Variants in PRDM16 observed in about 807,000 individuals in gnomAD.
The protein encoded by PRDM16 is PR/SET domain 16.
Under a neutral mutation model 110.6 loss-of-function variants are expected in PRDM16, and 23 were observed. That is an observed-to-expected ratio of 0.21 (90% confidence interval 0.15 to 0.29). PRDM16 has a LOEUF of 0.29. Ranked by LOEUF, PRDM16 falls within the 10% of genes least tolerant of loss-of-function variation. The pLI is 1.00. For synonymous variants in PRDM16, 799 were observed against 781.8 expected, an observed-to-expected ratio of 1.02 and a Z score of -0.37; for missense variants, 1,615 against 1,794.3, an observed-to-expected ratio of 0.90 and a Z score of 1.81.
At chr1:3,073,726 A>G (rs541530801) in intron 1 of PRDM16, among the ~76,000 whole-genome samples, 15 of 152,226 alleles carry the variant, frequency 9.9e-5, no homozygotes, top group African/African-American at 3.6e-4. Flanking sequence ...CCCGCGCACA[A>G]AGTCGCGGCC....
intron 3 of PRDM16, among the ~76,000 whole-genome samples, chr1:3,310,978 TGTGCGTGTGTGC>T (rs2100415111): frequency 6.6e-6 from 1 of 152,040 alleles, no homozygotes; most frequent in South Asian, 2.1e-4. Context: ...TAGGCATGTG[TGTGCGTGTGTGC>T]GTGCGTATGT....
chr1:3,077,760 G>A (rs1183866818), intron 1 of PRDM16, among the ~76,000 whole-genome samples: 1 of 152,112 alleles, frequency 6.6e-6, no homozygotes, highest in Non-Finnish European at 1.5e-5. Context: ...CACAGGCCAG[G>A]CCCCGTGCGT....
At chr1:3,332,147 T>A (rs1024283949) in intron 3 of PRDM16, among the ~76,000 whole-genome samples, 1 of 152,266 alleles carries the variant, frequency 6.6e-6, no homozygotes, top group African/African-American at 2.4e-5. Flanking sequence ...GCTCCGCATC[T>A]CCCACTTTCC....
intron 3 of PRDM16, among the ~76,000 whole-genome samples, chr1:3,378,500 G>A (rs924625620): frequency 1.3e-5 from 2 of 152,180 alleles, no homozygotes; most frequent in African/African-American, 4.8e-5. Context: ...CCATGGCACA[G>A]CTCTGGAGTC....
intron 2 of PRDM16, chr1:3,186,718 C>A: frequency 2.2e-6 from 1 of 457,930 alleles, no homozygotes; most frequent in Non-Finnish European, 3.8e-6. Flanking sequence ...GGAAATGTGT[C>A]TTTCATGAGC....
At chr1:3,122,672 T>TC (rs35672346) in intron 1 of PRDM16, among the ~76,000 whole-genome samples, 2 of 151,166 alleles carry the variant, frequency 1.3e-5, no homozygotes, top group Admixed American at 6.6e-5. Flanking sequence ...TTCCAGACAT[T>TC]CCCCCCCTCC....
At chr1:3,351,607 T>C (rs191996682) in intron 3 of PRDM16, among the ~76,000 whole-genome samples, 5 of 4,370 alleles carry the variant, frequency 1.1e-3, no homozygotes, top group East Asian at 5.8e-3. Flanking sequence ...CCCCTCCCTC[T>C]CTCTCCCCCT....
chr1:3,088,172 T>C (rs919814182), intron 1 of PRDM16, among the ~76,000 whole-genome samples: 2 of 151,938 alleles, frequency 1.3e-5, no homozygotes, highest in East Asian at 3.9e-4. Context: ...CACACAGGAG[T>C]TTTGTTTGGC....
chr1:3,269,640 CGGAGGAGGACAGTTG>C (rs1159229346), intron 3 of PRDM16, among the ~76,000 whole-genome samples: 1 of 120,044 alleles, frequency 8.3e-6, no homozygotes, highest in Non-Finnish European at 1.6e-5. Context: ...AGCACAGTCC[CGGAGGAGGACAGTTG>C]GGAGGAGGAC....
intron 2 of PRDM16, among the ~76,000 whole-genome samples, chr1:3,220,544 C>G (rs534306731): frequency 7.9e-5 from 12 of 152,198 alleles, no homozygotes; most frequent in Non-Finnish European, 1.8e-4. Flanking sequence ...CACCTGGCCT[C>G]GAGTCTTGCC....
At position 3,200,713 on chromosome 1, in the gene PRDM16, CGTGGCCCTCCTGGAAATGCAGAGA is replaced by C. The variant is rs138726199; in HGVS notation, c.387+14243_387+14266del. Among the ~76,000 whole-genome samples the C allele has an allele frequency of 7.1e-3, 1,087 of 152,280 alleles. 59 individuals carry two copies. The South Asian group carries it at 0.13, about 18-fold the overall frequency. ...GAACAAATAAAGTATCCCCGGCACG[CGTGGCCCTCCTGGAAATGCAGAGA>C]GTGCTGCTTGTCCTACCTTCCGCCA... On this transcript the variant is annotated intron_variant, in intron 2 of 16. Coordinates refer to ENST00000270722, the MANE Select transcript of PRDM16 (RefSeq NM_022114.4).
chr1:3,185,064 C>T lies in PRDM16; in HGVS notation c.38-1061C>T, dbSNP rs189337155. ...CATTTGGGCTGTTTCTGCCTTCTGG[C>T]GATGGTGAATCTGCCACTGTGAACA... is the stretch of plus-strand genomic sequence containing the variant. On this transcript the variant is annotated intron_variant, in intron 1 of 16. Transcript: ENST00000270722. Among the ~76,000 whole-genome samples the T allele has an allele frequency of 4.0e-3, 614 of 152,282 alleles. 8 individuals are homozygous for T. The highest frequency in any genetic ancestry group is 8.1e-3 in the South Asian group (39 of 4,822).
chr1:3,321,618 G>A (rs938879767), intron 3 of PRDM16, among the ~76,000 whole-genome samples: 1 of 123,812 alleles, frequency 8.1e-6, no homozygotes, highest in Non-Finnish European at 1.8e-5. Flanking sequence ...TGTATGTGAG[G>A]CCACACATAT....
chr1:3,181,225 TAC>T lies in PRDM16; in HGVS notation c.38-4895_38-4894del, dbSNP rs75819013. On this transcript the variant is annotated intron_variant, in intron 1 of 16. Coordinates refer to ENST00000270722, the MANE Select transcript of PRDM16 (RefSeq NM_022114.4). Reference sequence around the variant, plus strand: ...ACACACGGTCTTACACACGCAGTCTTACACACGGTCTTACACACAGTCTTACA... The same window carrying T: ...ACACACGGTCTTACACACGCAGTCTTACACGGTCTTACACACAGTCTTACA... 1.9e-4 allele frequency among the ~76,000 whole-genome samples: 12 copies of T among 64,818 alleles called. No individual in the cohort carries two copies. In the South Asian group the frequency reaches 4.7e-3, roughly 25 times the overall value. The allele number at this position is 64,818 out of a possible 152,430, so 42.5% of individuals were successfully genotyped here. A position where few individuals can be genotyped will look rare whatever the true frequency, so the allele number is the denominator to read the frequency against.
intron 3 of PRDM16, among the ~76,000 whole-genome samples, chr1:3,318,757 T>TC (rs1222352816): frequency 2.6e-5 from 4 of 152,162 alleles, no homozygotes; most frequent in Middle Eastern, 6.8e-3. Context: ...AATGAACTTA[T>TC]CCCCCCAGCA....
At chr1:3,385,130 C>T (rs762756527) in intron 3 of PRDM16, 22 bp from the exon 4 acceptor site, 133 of 1,612,848 alleles carry the variant, frequency 8.2e-5, no homozygotes, top group African/African-American at 1.7e-4. Context: ...CTCTGACTCC[C>T]GCTTCGCTTT....
chr1:3,073,152 G>T (rs906218008), intron 1 of PRDM16, among the ~76,000 whole-genome samples: 1 of 152,202 alleles, frequency 6.6e-6, no homozygotes, highest in Non-Finnish European at 1.5e-5. Flanking sequence ...CAGTGCGCAG[G>T]GCAGGGGACC....
chr1:3,403,342 A>G (rs1426813206), intron 6 of PRDM16, among the ~76,000 whole-genome samples: 1 of 152,230 alleles, frequency 6.6e-6, no homozygotes, highest in Non-Finnish European at 1.5e-5. Context: ...AGAAAAACTC[A>G]GGCCAGAGCC....
chr1:3,241,739 G>A (rs1639679479), intron 2 of PRDM16, among the ~76,000 whole-genome samples: 1 of 152,234 alleles, frequency 6.6e-6, no homozygotes, highest in Non-Finnish European at 1.5e-5. Context: ...GACGCTCGGA[G>A]GGCAGGGAGA....
Sources: gnomAD v4.1 joint callset for allele counts (sites outside exome capture counted in the v4.1 genomes callset) on GRCh38, gnomAD v4.1.1 for gene constraint, MANE v1.5 for transcripts, NCBI Gene and HGNC (gene_info 2026-07-23, HGNC 2026-07-21) for gene names.